CSMD1: variants seen among roughly 807,000 people sequenced by gnomAD.
CSMD1 encodes CUB and sushi domain-containing protein 1.
Under a neutral mutation model 417.5 loss-of-function variants are expected in CSMD1, and 213 were observed. That is an observed-to-expected ratio of 0.51 (90% CI 0.46 to 0.57). CSMD1 has a LOEUF of 0.57. CSMD1 is among the 20% of genes least tolerant of loss of function. The probability of loss-of-function intolerance (pLI) is 0.00; values close to 1 mark genes in which losing one functional copy is unlikely to be tolerated. For synonymous variants in CSMD1, 2,862 were observed against 1,736.8 expected (o/e 1.65, Z -16.11); for missense variants, 6,923 against 4,529.7 (o/e 1.53, Z -15.17).
chr8:3,052,808 G>T (rs1216372257), intron 49 of CSMD1, among the ~76,000 whole-genome samples, 161 bp from the exon 50 acceptor site: 1 of 124,294 alleles, frequency 8.0e-6, no homozygotes, highest in African/African-American at 2.9e-5. Flanking sequence ...GGAGACAAGA[G>T]TTTTGTGCTG....
rs1800776905 is a variant in CSMD1, at chr8:4,840,444, G to C, written c.85+153888C>G. 2.6e-5 allele frequency among the ~76,000 whole-genome samples: 4 copies of C among 152,160 alleles called. No individual in the cohort carries two copies. In the South Asian group the frequency reaches 6.2e-4, roughly 24 times the overall value. On this transcript the variant is annotated intron_variant, in intron 1 of 69. Coordinates refer to ENST00000635120, the MANE Select transcript of CSMD1 (RefSeq NM_033225.6). ...ACTTATATGTTGAAGACTATAGTCA[G>C]TTCTGAAAACATACGATATAACACG... is the stretch of plus-strand genomic sequence containing the variant.
intron 5 of CSMD1, among the ~76,000 whole-genome samples, chr8:3,868,327 A>C (rs1024557626): frequency 6.6e-6 from 1 of 151,926 alleles, no homozygotes; most frequent in African/African-American, 2.4e-5. Context: ...ACCCGGAGAC[A>C]TTTATTTTTT....
intron 1 of CSMD1, among the ~76,000 whole-genome samples, chr8:4,841,843 G>A (rs1231047252): frequency 1.4e-5 from 2 of 147,666 alleles, no homozygotes; most frequent in Admixed American, 6.8e-5. Context: ...CCTGGGAGGT[G>A]GAGGTTACAG....
intron 27 of CSMD1, among the ~76,000 whole-genome samples, chr8:3,224,530 C>G (rs996897963): frequency 7.2e-5 from 11 of 152,128 alleles, no homozygotes; most frequent in African/African-American, 2.4e-4. Context: ...AAACAAACCC[C>G]AAAAGTTTAA....
At chr8:4,188,267 C>A (rs1361790160) in intron 3 of CSMD1, among the ~76,000 whole-genome samples, 1 of 152,160 alleles carries the variant, frequency 6.6e-6, no homozygotes, top group Non-Finnish European at 1.5e-5. Flanking sequence ...GGAGGCCACG[C>A]TTGCCCTAGA....
Position 3,510,578 on chromosome 8 carries a change from G to A in CSMD1, c.1345-16852C>T, listed in dbSNP as rs1478158463. ...TGTCACTTGCTTAACACATTACGTG[G>A]CACAAAATAATGCCTCAAAAAATGC... On this transcript the variant is annotated intron_variant, in intron 10 of 69. Transcript: ENST00000635120. Among the ~76,000 whole-genome samples the A allele has an allele frequency of 2.0e-5, 3 of 151,766 alleles. No homozygotes were observed. The East Asian group carries it at 5.8e-4, about 29-fold the overall frequency.
At chr8:4,322,680 A>G (rs1563452378) in intron 3 of CSMD1, among the ~76,000 whole-genome samples, 1 of 152,228 alleles carries the variant, frequency 6.6e-6, no homozygotes. Context: ...GCTTATTTTC[A>G]AAGAGATGGT....
chr8:3,392,592 G>GGAGCC (rs1377555105), intron 17 of CSMD1, among the ~76,000 whole-genome samples: 15 of 151,938 alleles, frequency 9.9e-5, no homozygotes, highest in African/African-American at 3.6e-4. Flanking sequence ...CTCTCTCCCT[G>GGAGCC]GAGCCCGGGA....
At chr8:3,543,907 C>A (rs994709102) in intron 10 of CSMD1, among the ~76,000 whole-genome samples, 1 of 152,104 alleles carries the variant, frequency 6.6e-6, no homozygotes, top group East Asian at 1.9e-4. Flanking sequence ...GTGGAGGACC[C>A]TGAGAACTCC....
intron 3 of CSMD1, among the ~76,000 whole-genome samples, chr8:4,401,692 C>G (rs1392838268): frequency 2.6e-5 from 4 of 152,100 alleles, no homozygotes; most frequent in African/African-American, 4.8e-5. Flanking sequence ...AAAAACTCAC[C>G]TCCCATCTAA....
chr8:3,861,538 G>C (rs992505974), intron 5 of CSMD1, among the ~76,000 whole-genome samples: 2 of 152,092 alleles, frequency 1.3e-5, no homozygotes, highest in East Asian at 3.9e-4. Flanking sequence ...GAGAATTCTG[G>C]GATTTAACTC....
chr8:4,926,399 T>C lies in CSMD1; in HGVS notation c.85+67933A>G, dbSNP rs529459754. 3.3e-5 allele frequency among the ~76,000 whole-genome samples: 5 copies of C among 152,324 alleles called. No individual in the cohort carries two copies. The East Asian group carries it at 9.6e-4, about 29-fold the overall frequency. ...TACGATATTTTCTGTATTTGTGAGA[T>C]CTACGCATGTGGCCGTGTAATTCTC... On this transcript the variant is annotated intron_variant, in intron 1 of 69. Transcript: ENST00000635120.
At chr8:4,658,497 T>C (rs765603199) in intron 1 of CSMD1, among the ~76,000 whole-genome samples, 2 of 152,126 alleles carry the variant, frequency 1.3e-5, no homozygotes, top group Non-Finnish European at 2.9e-5. Flanking sequence ...AAAAACTCTA[T>C]CAAACTCACT....
intron 37 of CSMD1, among the ~76,000 whole-genome samples, chr8:3,172,110 T>C (rs1797030731): frequency 6.6e-6 from 1 of 152,216 alleles, no homozygotes. Flanking sequence ...GTAAAATCAA[T>C]GACTTCCAAT....
intron 2 of CSMD1, among the ~76,000 whole-genome samples, chr8:4,627,396 T>C (rs932968680): frequency 5.3e-5 from 8 of 152,160 alleles, no homozygotes; most frequent in Non-Finnish European, 1.0e-4. Context: ...ATGGATGGTT[T>C]CCCACTAAAC....
In CSMD1 at chr8:4,085,972, C is replaced by T. The variant is rs188493256; in HGVS notation, c.416-53873G>A. Among the ~76,000 whole-genome samples the T allele has an allele frequency of 1.2e-4, 19 of 152,134 alleles. 1 individual carries two copies. The East Asian group carries it at 3.1e-3, about 25-fold the overall frequency. On this transcript the variant is annotated intron_variant, in intron 3 of 69. Transcript: ENST00000635120. ...CAAGTGCAAGTCAATCTACAATTAC[C>T]TTGAAATAAAAACTGTAATTAAAAG...
intron 3 of CSMD1, 49 bp from the exon 4 acceptor site, chr8:4,032,148 G>T (rs761428811): frequency 3.5e-6 from 5 of 1,420,292 alleles, no homozygotes; most frequent in Non-Finnish European, 2.0e-6. Context: ...AATTTTCCAT[G>T]GAGAGCCACT....
At chr8:4,193,621 A>T (rs1331279517) in intron 3 of CSMD1, among the ~76,000 whole-genome samples, 1 of 152,140 alleles carries the variant, frequency 6.6e-6, no homozygotes, top group Admixed American at 6.5e-5. Flanking sequence ...GGAGCCAATG[A>T]GTGTGCTGTC....
chr8:3,415,269 C>A (rs1585130812), intron 12 of CSMD1, among the ~76,000 whole-genome samples: 1 of 152,112 alleles, frequency 6.6e-6, no homozygotes, highest in South Asian at 2.1e-4. Context: ...CTTGAGAACA[C>A]CTATACTCTT....
Sources: allele counts gnomAD v4.1 joint callset (sites outside exome capture counted in the v4.1 genomes callset), GRCh38; gene constraint gnomAD v4.1.1; transcripts MANE v1.5; gene names NCBI Gene and HGNC (gene_info 2026-07-23, HGNC 2026-07-21).